The following CENPH variants were observed in gnomAD, a reference collection of about 807,000 sequenced individuals.
The protein encoded by CENPH is centromere protein H.
CENPH carries 40 observed loss-of-function variants against 42.9 expected under a neutral mutation model. The observed-to-expected ratio is 0.93, with a 90% CI of 0.72 to 1.21. CENPH has a LOEUF of 1.21. CENPH is among the 50% of genes most tolerant of loss of function. The probability of loss-of-function intolerance (pLI) is 0.00; values close to 1 mark genes in which losing one functional copy is unlikely to be tolerated. For synonymous variants in CENPH, 88 were observed against 96.5 expected (o/e 0.91, Z 0.52); for missense variants, 302 against 292.9 (o/e 1.03, Z -0.23).
chr5:69,200,719 CTTTTTTTTTTTTTTTTTTTT>C (rs70992906), intron 5 of CENPH, among the ~76,000 whole-genome samples: 4 of 46,918 alleles, frequency 8.5e-5, no homozygotes, highest in African/African-American at 2.1e-4. Flanking sequence ...ATCAGCGTAT[CTTTTTTTTTTTTTTTTTTTT>C]TTTTTTTTTT....
At chr5:69,193,054 G>T (rs899621440) in intron 2 of CENPH, among the ~76,000 whole-genome samples, 1 of 151,726 alleles carries the variant, frequency 6.6e-6, no homozygotes, top group East Asian at 1.9e-4. Context: ...GCGAGATCAC[G>T]CCATTGCACT....
chr5:69,198,690 T>C (rs573174802), intron 5 of CENPH, among the ~76,000 whole-genome samples: 1 of 152,302 alleles, frequency 6.6e-6, no homozygotes, highest in African/African-American at 2.4e-5. Context: ...CCCAGCACTT[T>C]GGGAGCCTGA....
chr5:69,208,092 C>A, intron 7 of CENPH, 104 bp from the exon 8 acceptor site: 1 of 557,754 alleles, frequency 1.8e-6, no homozygotes, highest in Non-Finnish European at 2.9e-6. Context: ...TAAAATTTTT[C>A]TCTTGACTAA....
Position 69,210,105 on chromosome 5 carries a change from A to AACT in CENPH, c.*306_*307insACT. 1 of 178,038 alleles carries AACT rather than the reference A, an allele frequency of 5.6e-6. No homozygotes were observed. Among genetic ancestry groups the AACT allele is most frequent in the Non-Finnish European group, 1.2e-5 (1 of 84,730 alleles). 11.0% of individuals were successfully genotyped at this position (178,038 alleles called of 1,614,324 possible). On this transcript the variant is annotated 3_prime_UTR_variant, in exon 9 of 9. Transcript: ENST00000283006. ...CAACCTCTGCCTCCCGGGTTCAAGC[A>AACT]GTTCTGCCTCAGCCTCCCAAGTAGC...
intron 7 of CENPH, among the ~76,000 whole-genome samples, chr5:69,204,882 G>T (rs1354341017): frequency 6.8e-6 from 1 of 147,682 alleles, no homozygotes; most frequent in East Asian, 2.0e-4. Context: ...GGGATTACAG[G>T]TATGAGCCAT....
At chr5:69,192,403 C>T (rs939851179) in intron 2 of CENPH, among the ~76,000 whole-genome samples, 5 of 152,096 alleles carry the variant, frequency 3.3e-5, no homozygotes, top group Non-Finnish European at 7.4e-5. Flanking sequence ...GGGATTGTGA[C>T]ATCCAAAAAC....
chr5:69,202,546 A>G lies in CENPH; in HGVS notation c.412A>G (p.Lys138Glu). 1 of 1,569,294 alleles carries G rather than the reference A, an allele frequency of 6.4e-7. No individual in the cohort carries two copies. Among genetic ancestry groups the G allele is most frequent in the Non-Finnish European group, 8.7e-7 (1 of 1,144,940 alleles). Reference protein sequence around the residue: ...DNMKHLLELNKLIMKSQQESW... With the variant: ...DNMKHLLELNELIMKSQQESW... ...CATGAAACACCTATTAGAGCTAAAT[A>G]AATTAATAATGAAATCACAGCAGGT... Residue 138 changes from lysine (K) to glutamate (E), a missense_variant, in exon 6 of 9, where the codon AAA (lysine) becomes GAA (glutamate). Transcript: ENST00000283006.
At chr5:69,196,768 A>C (rs1214553156) in intron 4 of CENPH, among the ~76,000 whole-genome samples, 1 of 152,176 alleles carries the variant, frequency 6.6e-6, no homozygotes, top group African/African-American at 2.4e-5. Flanking sequence ...CTTTGCACAA[A>C]AGTAGATGGT....
intron 8 of CENPH, 31 bp from the exon 9 acceptor site, chr5:69,209,676 G>A: frequency 8.8e-7 from 1 of 1,139,206 alleles, no homozygotes; most frequent in Non-Finnish European, 1.3e-6. Flanking sequence ...TAAAGTACTT[G>A]TAACTTTAAA....
chr5:69,194,798 G>A lies in CENPH; in HGVS notation c.239+103G>A, dbSNP rs561664296. 313 of 670,494 alleles carry A rather than the reference G, an allele frequency of 4.7e-4. 3 individuals carry two copies. In the South Asian group the frequency reaches 6.5e-3, roughly 14 times the overall value. The allele number at this position is 670,494 out of a possible 1,614,324, so 41.5% of individuals were successfully genotyped here. On this transcript the variant is annotated intron_variant, in intron 3 of 8. Coordinates refer to ENST00000283006, the MANE Select transcript of CENPH (RefSeq NM_022909.4). The stretch of plus-strand genomic sequence containing the variant: ...GAGTCTCACTATCATGCAGGCTAGA[G>A]TGCAGTGGTGTGATCATAGTTCATT...
chr5:69,205,579 T>G (rs1428445015), intron 7 of CENPH, among the ~76,000 whole-genome samples: 1 of 151,906 alleles, frequency 6.6e-6, no homozygotes, highest in African/African-American at 2.4e-5. Context: ...GGAGGCACAC[T>G]CATGGCTCAC....
intron 4 of CENPH, among the ~76,000 whole-genome samples, chr5:69,196,074 G>GA (rs147308361): frequency 0.15 from 23,201 of 152,058 alleles, 1,912 homozygotes; most frequent in African/African-American, 0.21. Flanking sequence ...GAGCAGCTGG[G>GA]ACTACAGGCA....
chr5:69,195,787 G>T lies in CENPH; in HGVS notation c.310G>T (p.Asp104Tyr). 6.8e-7 allele frequency: 1 copy of T among 1,466,250 alleles called. No individual in the cohort carries two copies. The highest frequency in any genetic ancestry group is 1.2e-5 in the South Asian group (1 of 82,550). The allele number at this position is 1,466,250 out of a possible 1,614,324, so 90.8% of individuals were successfully genotyped here. A position where few individuals can be genotyped will look rare whatever the true frequency, so the allele number is the denominator to read the frequency against. The stretch of plus-strand genomic sequence containing the variant: ...TTTTGAGATAAAAAAGCTTGCATTA[G>T]ACAGGTAATTATTACATTTTAAATA... ...VAFEIKKLALDRMRLSTALKK... is the reference protein window; with the variant it reads ...VAFEIKKLALYRMRLSTALKK... Residue 104 changes from aspartate to tyrosine, a missense_variant, in exon 4 of 9, where the codon GAC (aspartate) becomes TAC (tyrosine). Physicochemically the swap from Asp to Tyr is radical, Grantham distance 160. Transcript: ENST00000283006.
At position 69,193,983 on chromosome 5, in the gene CENPH, GAAATA is replaced by G. The variant is rs372656972; in HGVS notation, c.191-659_191-655del. On this transcript the variant is annotated intron_variant, in intron 2 of 8. Coordinates refer to ENST00000283006, the MANE Select transcript of CENPH (RefSeq NM_022909.4). ...GTGGCTTTTTAAAGCTAATTAAAAT[GAAATA>G]AAATTTAAAATCAAGTACATATCAA... Among the ~76,000 whole-genome samples, 88 of 152,210 alleles carry G rather than the reference GAAATA, an allele frequency of 5.8e-4. No homozygotes were observed. The East Asian group carries it at 0.012, about 21-fold the overall frequency.
rs544466355 is a variant in CENPH, at chr5:69,191,968, C to T, written c.190+118C>T. The T allele has an allele frequency of 8.1e-5, 46 of 570,394 alleles. No homozygotes were observed. The South Asian group carries it at 1.0e-3, about 13-fold the overall frequency. The allele number at this position is 570,394 out of a possible 1,614,324, so 35.3% of individuals were successfully genotyped here. The stretch of plus-strand genomic sequence containing the variant: ...GGCGCAGTCTCTGGTTTACTGCAGC[C>T]TCAGCCTCCTGGGCTCCAGCAATCC... On this transcript the variant is annotated intron_variant, in intron 2 of 8. Transcript: ENST00000283006.
chr5:69,206,667 T>G (rs1748165145), intron 7 of CENPH, among the ~76,000 whole-genome samples: 3 of 151,960 alleles, frequency 2.0e-5, no homozygotes, highest in Admixed American at 6.6e-5. Flanking sequence ...CCCCACTGAT[T>G]TATATTTTTA....
chr5:69,194,231 T>C (rs1747926463), intron 2 of CENPH, among the ~76,000 whole-genome samples: 2 of 152,006 alleles, frequency 1.3e-5, no homozygotes, highest in African/African-American at 4.8e-5. Context: ...AGATTTTGGC[T>C]CACTGCAACC....
intron 6 of CENPH, 57 bp downstream of exon 6, chr5:69,202,626 G>C: frequency 1.0e-6 from 1 of 979,026 alleles, no homozygotes; most frequent in Non-Finnish European, 1.6e-6. Flanking sequence ...TCAACTTCTT[G>C]CTGGTAACTG....
rs144855808 is a variant in CENPH, at chr5:69,205,877, T to A, written c.488-2319T>A. On this transcript the variant is annotated intron_variant, in intron 7 of 8. Coordinates refer to ENST00000283006, the MANE Select transcript of CENPH (RefSeq NM_022909.4). ...GCACCCGCCACCACGCCCGGCTAAT[T>A]TTTTTGTATTTTTAGTAGAGACCGG... 1.6e-4 allele frequency among the ~76,000 whole-genome samples: 24 copies of A among 150,394 alleles called. No homozygotes were observed. In the East Asian group the frequency reaches 4.6e-3, roughly 29 times the overall value.
Sources: allele counts gnomAD v4.1 joint callset (sites outside exome capture counted in the v4.1 genomes callset), GRCh38; gene constraint gnomAD v4.1.1; transcripts MANE v1.5; gene names NCBI Gene and HGNC (gene_info 2026-07-23, HGNC 2026-07-21).